Variants in MAGI2 observed in about 807,000 individuals in gnomAD.
MAGI2 encodes membrane associated guanylate kinase, WW and PDZ domain containing 2.
A neutral mutation model predicts 133.3 loss-of-function variants in MAGI2; 35 were observed. That is an observed-to-expected ratio of 0.26 (90% CI 0.20 to 0.35). The LOEUF (loss-of-function observed/expected upper bound fraction) is 0.35, where lower values mean the gene tolerates loss of function less well. Among genes scored for constraint, MAGI2 ranks in the 10% least tolerant of loss-of-function variants. The probability of loss-of-function intolerance (pLI) is 1.00; values close to 1 mark genes in which losing one functional copy is unlikely to be tolerated. For synonymous variants in MAGI2, 729 were observed against 710.6 expected (o/e 1.03, Z -0.41); for missense variants, 1,636 against 1,863.4 (o/e 0.88, Z 2.25).
rs569403996 is a variant in MAGI2, at chr7:78,167,607, T to C, written c.2596+309A>G. Among the ~76,000 whole-genome samples the C allele has an allele frequency of 2.6e-5, 4 of 152,312 alleles. No homozygotes were observed. The East Asian group carries it at 7.7e-4, about 29-fold the overall frequency. On this transcript the variant is annotated intron_variant, in intron 15 of 21. Coordinates refer to ENST00000354212, the MANE Select transcript of MAGI2 (RefSeq NM_012301.4). Reference sequence around the variant, plus strand: ...TCAAATGGCATATTTTCCATGACTATCATGTTCTTCTTAGAACTAGAAACT... The same window carrying C: ...TCAAATGGCATATTTTCCATGACTACCATGTTCTTCTTAGAACTAGAAACT...
intron 6 of MAGI2, among the ~76,000 whole-genome samples, chr7:78,438,862 A>C (rs1787320764): frequency 6.6e-6 from 1 of 152,184 alleles, no homozygotes; most frequent in Admixed American, 6.5e-5. Flanking sequence ...ACGGGCTGTT[A>C]AGACGCTTCT....
At chr7:79,344,707 T>C (rs905098975) in intron 1 of MAGI2, among the ~76,000 whole-genome samples, 1 of 152,166 alleles carries the variant, frequency 6.6e-6, no homozygotes, top group African/African-American at 2.4e-5. Flanking sequence ...GAAGACTAAA[T>C]GGCATACTTA....
chr7:78,593,264 C>T (rs1196624126), intron 3 of MAGI2, among the ~76,000 whole-genome samples: 2 of 151,838 alleles, frequency 1.3e-5, no homozygotes, highest in African/African-American at 2.4e-5. Flanking sequence ...TGGTGGCGGG[C>T]GCCTGTAGTC....
At chr7:79,270,481 A>T (rs184218939) in intron 1 of MAGI2, among the ~76,000 whole-genome samples, 179 of 152,304 alleles carry the variant, frequency 1.2e-3, no homozygotes, top group African/African-American at 4.1e-3. Flanking sequence ...ATCATCAATT[A>T]TGATTATAAC....
chr7:79,345,137 C>A lies in MAGI2; in HGVS notation c.301+107883G>T, dbSNP rs547534356. On this transcript the variant is annotated intron_variant, in intron 1 of 21. Coordinates refer to ENST00000354212, the MANE Select transcript of MAGI2 (RefSeq NM_012301.4). ...ATGTCACCCTGTTGGGAAACAGGAT[C>A]ACTGCAGATGTAATTAGTTAAGATA... Among the ~76,000 whole-genome samples the A allele has an allele frequency of 9.9e-5, 15 of 151,910 alleles. No homozygotes were observed. In the East Asian group the frequency reaches 2.8e-3, roughly 28 times the overall value.
chr7:78,785,690 C>G (rs1826760509), intron 2 of MAGI2, among the ~76,000 whole-genome samples: 1 of 152,140 alleles, frequency 6.6e-6, no homozygotes, highest in Non-Finnish European at 1.5e-5. Flanking sequence ...TTCCTGTCTT[C>G]TAGGTGTATC....
At chr7:78,527,061 T>C (rs980113014) in intron 3 of MAGI2, among the ~76,000 whole-genome samples, 2 of 146,316 alleles carry the variant, frequency 1.4e-5, no homozygotes, top group Admixed American at 6.8e-5. Flanking sequence ...AAGAAAACTT[T>C]TCCAAAAATG....
intron 1 of MAGI2, among the ~76,000 whole-genome samples, chr7:79,228,354 C>CAAAAAAAATAAAAAAAAAAAA (rs1831047532): frequency 3.2e-5 from 1 of 31,438 alleles, no homozygotes; most frequent in African/African-American, 7.5e-5. Context: ...AAAAAACAGG[C>CAAAAAAAATAAAAAAAAAAAA]AAAAAAAAAA....
At chr7:79,213,490 T>C (rs1829693584) in intron 1 of MAGI2, among the ~76,000 whole-genome samples, 1 of 152,092 alleles carries the variant, frequency 6.6e-6, no homozygotes, top group African/African-American at 2.4e-5. Context: ...GTTTTGCTAC[T>C]TCCTTTGCTT....
At position 78,079,055 on chromosome 7, in the gene MAGI2, C is replaced by T. The variant is rs868650335; in HGVS notation, c.3598G>A (p.Glu1200Lys). The change falls in exon 21 of 22, where the codon GAA (glutamate) becomes AAA (lysine). Residue 1200 changes from glutamate to lysine, a missense_variant. Around this residue, in one of 5 missense-constraint regions of MAGI2, gnomAD observed 49 missense variants for 103.8 expected, o/e 0.47. Coordinates refer to ENST00000354212, the MANE Select transcript of MAGI2 (RefSeq NM_012301.4). ...GCATGTGTCATGTCCCTTGTGCTTT[C>T]CCCATTGATTTCAATGATTTGATCT... ...VGDQIIEING[E>K]STRDMTHARA... 6.2e-7 allele frequency: 1 copy of T among 1,613,430 alleles called. No homozygotes were observed. The highest frequency in any genetic ancestry group is 8.5e-7 in the Non-Finnish European group (1 of 1,179,826).
rs370698745 is a variant in MAGI2 at position 78,535,758 on chromosome 7, A to G, written c.539-14113T>C. Among the ~76,000 whole-genome samples, 51 of 152,220 alleles carry G rather than the reference A, an allele frequency of 3.4e-4. 1 individual carries two copies. Among genetic ancestry groups the G allele is most frequent in the African/African-American group, 1.2e-3 (49 of 41,536 alleles). Reference sequence around the variant, plus strand: ...ACAAAATTAACAATTATGGTTAAAGAGTCACCGTTTTAAAACCTGAGATCA... The same window carrying G: ...ACAAAATTAACAATTATGGTTAAAGGGTCACCGTTTTAAAACCTGAGATCA... On this transcript the variant is annotated intron_variant, in intron 3 of 21. Coordinates refer to ENST00000354212, the MANE Select transcript of MAGI2 (RefSeq NM_012301.4).
chr7:78,576,680 C>T (rs1292040527), intron 3 of MAGI2, among the ~76,000 whole-genome samples: 1 of 152,184 alleles, frequency 6.6e-6, no homozygotes, highest in East Asian at 1.9e-4. Context: ...ATCATTAAAT[C>T]ATCCCCTTTT....
At chr7:79,426,090 A>G (rs1247169183) in intron 1 of MAGI2, among the ~76,000 whole-genome samples, 1 of 152,206 alleles carries the variant, frequency 6.6e-6, no homozygotes, top group Non-Finnish European at 1.5e-5. Flanking sequence ...TCATGGACTC[A>G]TAAGAAACAA....
intron 10 of MAGI2, among the ~76,000 whole-genome samples, chr7:78,223,533 C>T (rs1444369696): frequency 1.3e-5 from 2 of 152,034 alleles, no homozygotes; most frequent in Non-Finnish European, 2.9e-5. Context: ...GAAATATTAA[C>T]AAGTTATGTT....
chr7:79,271,012 C>A (rs1476485590), intron 1 of MAGI2, among the ~76,000 whole-genome samples: 2 of 151,930 alleles, frequency 1.3e-5, no homozygotes, highest in African/African-American at 4.8e-5. Flanking sequence ...TTACTGCTTC[C>A]TCTCTGTCTT....
chr7:78,241,156 A>C (rs1226295400), intron 10 of MAGI2, among the ~76,000 whole-genome samples: 1 of 151,982 alleles, frequency 6.6e-6, no homozygotes, highest in Non-Finnish European at 1.5e-5. Context: ...TTATTAAATG[A>C]ATGAATAAGT....
At chr7:78,628,129 T>G (rs1808566123) in intron 2 of MAGI2, among the ~76,000 whole-genome samples, 1 of 152,212 alleles carries the variant, frequency 6.6e-6, no homozygotes, top group Non-Finnish European at 1.5e-5. Context: ...CTGTCCAGTT[T>G]GTGAGGCAAG....
At chr7:78,163,325 G>C (rs895493287) in intron 15 of MAGI2, among the ~76,000 whole-genome samples, 14 of 152,086 alleles carry the variant, frequency 9.2e-5, no homozygotes, top group African/African-American at 3.1e-4. Context: ...ACTTTTAGTA[G>C]AGACAGGGTT....
chr7:79,067,774 A>T (rs1814517849), intron 1 of MAGI2, among the ~76,000 whole-genome samples: 1 of 152,154 alleles, frequency 6.6e-6, no homozygotes, highest in Non-Finnish European at 1.5e-5. Context: ...TTTGAGATAC[A>T]TTCCATCAAT....
Sources: gnomAD v4.1 joint callset for allele counts (sites outside exome capture counted in the v4.1 genomes callset) on GRCh38, gnomAD v4.1.1 for gene constraint, gnomAD v4.1.1 regional missense constraint, MANE v1.5 for transcripts, NCBI Gene and HGNC (gene_info 2026-07-23, HGNC 2026-07-21) for gene names.